SDK2: variants seen among roughly 807,000 people sequenced by gnomAD.
SDK2 encodes the protein sidekick cell adhesion molecule 2, also known as protein sidekick-2.
SDK2 carries 105 observed loss-of-function variants against 253.9 expected under a neutral mutation model. The ratio of observed to expected loss-of-function variants is 0.41; its 90% CI spans 0.35 to 0.49. SDK2 has a LOEUF of 0.49. Among genes scored for constraint, SDK2 ranks in the 20% least tolerant of loss-of-function variants. SDK2 has a pLI of 0.06. For missense variants in SDK2, 2,608 were observed against 3,003.0 expected (o/e 0.87, Z 3.07); for synonymous variants, 1,249 against 1,234.9 (o/e 1.01, Z -0.24).
rs7220072 is a variant in SDK2 at position 73,502,084 on chromosome 17, T to C, written c.224+5354A>G. 0.01 allele frequency among the ~76,000 whole-genome samples: 267 copies of C among 26,520 alleles called. 6 individuals carry two copies. The South Asian group carries it at 0.11, about 11-fold the overall frequency. The allele number at this position is 26,520 out of a possible 152,430, so 17.4% of individuals were successfully genotyped here. A position where few individuals can be genotyped will look rare whatever the true frequency, so the allele number is the denominator to read the frequency against. On this transcript the variant is annotated intron_variant, in intron 2 of 44. Transcript: ENST00000392650. ...CAGGCTTGCCTTTGTGTAGTGCACA[T>C]ACACACACACACACACACACACACA... is the stretch of plus-strand genomic sequence containing the variant.
intron 1 of SDK2, among the ~76,000 whole-genome samples, chr17:73,558,923 C>A (rs559772012): frequency 6.6e-6 from 1 of 152,316 alleles, no homozygotes; most frequent in South Asian, 2.1e-4. Flanking sequence ...GGAGAGAAAA[C>A]GCCTGCCTCC....
chr17:73,436,185 G>C (rs544171059), intron 8 of SDK2, among the ~76,000 whole-genome samples: 1 of 152,154 alleles, frequency 6.6e-6, no homozygotes, highest in African/African-American at 2.4e-5. Flanking sequence ...GTGTTCCCTG[G>C]GGGGCACTTG....
At chr17:73,394,159 G>T in intron 26 of SDK2, 50 bp downstream of exon 26, 4 of 1,159,924 alleles carry the variant, frequency 3.4e-6, no homozygotes, top group Non-Finnish European at 4.8e-6. Flanking sequence ...GGATGGAGAG[G>T]CTGGAGGGGC....
At chr17:73,559,365 G>A (rs1177720682) in intron 1 of SDK2, among the ~76,000 whole-genome samples, 1 of 152,194 alleles carries the variant, frequency 6.6e-6, no homozygotes, top group African/African-American at 2.4e-5. Context: ...GACAATGTAC[G>A]CAAGACTGTT....
At chr17:73,556,945 T>TA (rs1389651833) in intron 1 of SDK2, among the ~76,000 whole-genome samples, 1 of 152,216 alleles carries the variant, frequency 6.6e-6, no homozygotes, top group Non-Finnish European at 1.5e-5. Flanking sequence ...ATTGACAGTA[T>TA]GGGGCTATGA....
chr17:73,453,370 G>GTTTTT (rs34814268), intron 4 of SDK2, among the ~76,000 whole-genome samples: 7 of 141,226 alleles, frequency 5.0e-5, no homozygotes, highest in Non-Finnish European at 3.0e-5. Context: ...CTGAGCTGGG[G>GTTTTT]TTTTTTTTTT....
At position 73,412,184 on chromosome 17, in the gene SDK2, GCA is replaced by G. The variant is rs530960557; in HGVS notation, c.2484+2458_2484+2459del. Among the ~76,000 whole-genome samples the G allele has an allele frequency of 1.3e-3, 185 of 145,066 alleles. 1 individual carries two copies. The highest frequency in any genetic ancestry group is 4.5e-3 in the African/African-American group (172 of 38,490). ...TATGTATATACACATATATGTATATGCACATACACACATATACATATATGTAT... is the reference window on the plus strand; with the variant it reads ...TATGTATATACACATATATGTATATGCATACACACATATACATATATGTAT... On this transcript the variant is annotated intron_variant, in intron 18 of 44. Coordinates refer to ENST00000392650, the MANE Select transcript of SDK2 (RefSeq NM_001144952.2).
intron 12 of SDK2, among the ~76,000 whole-genome samples, chr17:73,425,557 G>A (rs2063274525): frequency 6.6e-6 from 1 of 152,138 alleles, no homozygotes; most frequent in African/African-American, 2.4e-5. Context: ...GCCCAGGCTG[G>A]AGTGCCGTGG....
intron 2 of SDK2, among the ~76,000 whole-genome samples, chr17:73,483,703 ATATATTTTT>A (rs2063752559): frequency 1.7e-4 from 10 of 60,220 alleles, no homozygotes; most frequent in Admixed American, 1.6e-3. Context: ...ATATATATAT[ATATATTTTT>A]TTTTTTTTTT....
At chr17:73,405,877 G>T (rs1350832930) in intron 18 of SDK2, among the ~76,000 whole-genome samples, 4 of 150,234 alleles carry the variant, frequency 2.7e-5, no homozygotes, top group Non-Finnish European at 5.9e-5. Flanking sequence ...CTGCCACCAC[G>T]CCCGGCTAAT....
At chr17:73,399,367 AG>A (rs2063002322) in intron 21 of SDK2, 78 bp from the exon 22 acceptor site, 1 of 1,474,964 alleles carries the variant, frequency 6.8e-7, no homozygotes, top group Non-Finnish European at 9.4e-7. Flanking sequence ...TTGGGCATGG[AG>A]GGGGCTGTGT....
At chr17:73,530,770 T>C (rs1186188145) in intron 1 of SDK2, among the ~76,000 whole-genome samples, 2 of 152,198 alleles carry the variant, frequency 1.3e-5, no homozygotes, top group African/African-American at 2.4e-5. Context: ...ACCATGTTAA[T>C]TTTCAGAAGG....
intron 13 of SDK2, 84 bp from the exon 14 acceptor site, chr17:73,423,606 C>A (rs913398050): frequency 5.8e-6 from 8 of 1,384,126 alleles, no homozygotes; most frequent in Non-Finnish European, 6.7e-6. Flanking sequence ...TTGTGTAGGC[C>A]TTGACCTTCC....
At chr17:73,414,317 G>A (rs2063162415) in intron 18 of SDK2, among the ~76,000 whole-genome samples, 1 of 151,966 alleles carries the variant, frequency 6.6e-6, no homozygotes, top group Admixed American at 6.6e-5. Context: ...CCCAAATTGG[G>A]GATTACAGAT....
chr17:73,531,996 T>C (rs113310717), intron 1 of SDK2, among the ~76,000 whole-genome samples: 185 of 152,266 alleles, frequency 1.2e-3, no homozygotes, highest in African/African-American at 4.3e-3. Context: ...TCGTGGTGCA[T>C]TACAATGATC....
chr17:73,603,153 C>T (rs1026595416), intron 1 of SDK2, among the ~76,000 whole-genome samples: 3 of 152,166 alleles, frequency 2.0e-5, no homozygotes, highest in Admixed American at 2.0e-4. Context: ...CCCTGGAGGG[C>T]AATGTCATTC....
chr17:73,631,562 G>A (rs2046270872), intron 1 of SDK2, among the ~76,000 whole-genome samples: 1 of 152,224 alleles, frequency 6.6e-6, no homozygotes, highest in South Asian at 2.1e-4. Context: ...GAATGGGTGA[G>A]CAGGTGGGCT....
At chr17:73,508,981 A>G (rs8072264) in intron 1 of SDK2, among the ~76,000 whole-genome samples, 91,511 of 152,068 alleles carry the variant, frequency 0.6, 27,883 homozygotes, top group Non-Finnish European at 0.65. Flanking sequence ...GCCGGCGGGG[A>G]GGAGTCCAGG....
chr17:73,397,538 G>A (rs536532501), intron 24 of SDK2, among the ~76,000 whole-genome samples: 1 of 152,184 alleles, frequency 6.6e-6, no homozygotes, highest in Non-Finnish European at 1.5e-5. Context: ...TCAGAACAGC[G>A]CCTGGTAGGA....
Sources: allele counts gnomAD v4.1 joint callset (sites outside exome capture counted in the v4.1 genomes callset), GRCh38; gene constraint gnomAD v4.1.1; transcripts MANE v1.5; gene names NCBI Gene and HGNC (gene_info 2026-07-23, HGNC 2026-07-21).